Variants in GIGYF2 observed in about 807,000 individuals in gnomAD.
GIGYF2 encodes GRB10 interacting GYF protein 2.
In GIGYF2, 25 loss-of-function variants were observed where a neutral mutation model predicts 208.1. That is an observed-to-expected ratio of 0.12 (90% confidence interval 0.09 to 0.17). The LOEUF (loss-of-function observed/expected upper bound fraction) is 0.17, where lower values mean the gene tolerates loss of function less well. GIGYF2 is among the 10% of genes least tolerant of loss of function. The pLI is 1.00. For synonymous variants in GIGYF2, 534 were observed against 543.8 expected, an observed-to-expected ratio of 0.98 and a Z score of 0.25; for missense variants, 1,302 against 1,579.4, an observed-to-expected ratio of 0.82 and a Z score of 2.98.
intron 22 of GIGYF2, among the ~76,000 whole-genome samples, chr2:232,834,084 TA>T (rs1249852385): frequency 1.3e-5 from 2 of 152,074 alleles, no homozygotes; most frequent in African/African-American, 4.8e-5. Context: ...ACTGAGAAGA[TA>T]GTGGAACTGT....
At chr2:232,746,176 T>TA (rs938239883) in intron 3 of GIGYF2, among the ~76,000 whole-genome samples, 90 of 144,826 alleles carry the variant, frequency 6.2e-4, no homozygotes, top group African/African-American at 1.3e-3. Flanking sequence ...CCACAATAAG[T>TA]AAAAAAAAAA....
rs778242971 is a variant in GIGYF2, at chr2:232,819,953, A to G, written c.2497A>G (p.Arg833Gly). 1 of 1,607,736 alleles carries G rather than the reference A, an allele frequency of 6.2e-7. No individual in the cohort carries two copies. Among genetic ancestry groups the G allele is most frequent in the African/African-American group, 1.3e-5 (1 of 74,888 alleles). The change falls in exon 21 of 29, where the codon AGG (arginine) becomes GGG (glycine). Residue 833 changes from arginine (R) to glycine (G), a missense_variant. By Grantham distance (125) the Arg-to-Gly change is moderately radical (BLOSUM62 -2). This residue lies in a region of GIGYF2 where 701 missense variants were observed against 793.0 expected (regional missense o/e 0.88). Transcript: ENST00000373563. Reference sequence around the variant, plus strand: ...AGAGAGGAGAAGAGAAGAGGAAGAAAGGCGGAAGCAGGAAGAATTGTTACG... The same window carrying G: ...AGAGAGGAGAAGAGAAGAGGAAGAAGGGCGGAAGCAGGAAGAATTGTTACG... ...LEERRREEEE[R>G]RKQEELLRKQ...
rs1286948070 is a variant in GIGYF2, at chr2:232,836,316, A to G, written c.2766+3223A>G. 8.7e-5 allele frequency among the ~76,000 whole-genome samples: 3 copies of G among 34,622 alleles called. 1 individual carries two copies. Among genetic ancestry groups the G allele is most frequent in the Admixed American group, 4.5e-4 (1 of 2,220 alleles). 22.7% of individuals were successfully genotyped at this position (34,622 alleles called of 152,430 possible). A position where few individuals can be genotyped will look rare whatever the true frequency, so the allele number is the denominator to read the frequency against. Reference sequence around the variant, plus strand: ...TATATATATATATATATATATATATATATATATATATATACATATATATAC... The same window carrying G: ...TATATATATATATATATATATATATGTATATATATATATACATATATATAC... On this transcript the variant is annotated intron_variant, in intron 22 of 28. Coordinates refer to ENST00000373563, the MANE Select transcript of GIGYF2 (RefSeq NM_001103146.3).
At chr2:232,823,558 T>A (rs1403666396) in intron 21 of GIGYF2, among the ~76,000 whole-genome samples, 1 of 152,022 alleles carries the variant, frequency 6.6e-6, no homozygotes, top group Non-Finnish European at 1.5e-5. Context: ...TCTTGCTGTG[T>A]TGCTCAGGCT....
intron 5 of GIGYF2, among the ~76,000 whole-genome samples, chr2:232,750,889 G>A (rs1314004749): frequency 6.6e-6 from 1 of 152,166 alleles, no homozygotes; most frequent in Non-Finnish European, 1.5e-5. Flanking sequence ...TAGTACAGCG[G>A]CATGATCATA....
At chr2:232,838,142 C>G (rs1701705373) in intron 22 of GIGYF2, among the ~76,000 whole-genome samples, 2 of 152,140 alleles carry the variant, frequency 1.3e-5, no homozygotes, top group Middle Eastern at 3.4e-3. Context: ...AAGCTATCAG[C>G]AGACATAAGT....
At chr2:232,817,941 C>T (rs775726828) in intron 20 of GIGYF2, among the ~76,000 whole-genome samples, 7 of 152,130 alleles carry the variant, frequency 4.6e-5, no homozygotes, top group African/African-American at 1.2e-4. Flanking sequence ...GAAGAACTGC[C>T]GTATTGTTTC....
intron 2 of GIGYF2, among the ~76,000 whole-genome samples, chr2:232,726,393 A>G (rs981818499): frequency 2.7e-5 from 4 of 149,164 alleles, no homozygotes; most frequent in African/African-American, 9.9e-5. Context: ...AAAAAATCAT[A>G]TGGGAGCACA....
intron 6 of GIGYF2, among the ~76,000 whole-genome samples, 170 bp downstream of exon 6, chr2:232,756,504 T>C (rs925919601): frequency 6.6e-6 from 1 of 152,230 alleles, no homozygotes; most frequent in African/African-American, 2.4e-5. Flanking sequence ...GTATCTCCTC[T>C]ATAATCCCTG....
At chr2:232,817,148 A>G in intron 20 of GIGYF2, 116 bp downstream of exon 20, 2 of 828,154 alleles carry the variant, frequency 2.4e-6, no homozygotes, top group Non-Finnish European at 4.2e-6. Flanking sequence ...TTAGAACCTT[A>G]GAAGACTCAC....
At chr2:232,803,643 TTTC>T (rs994063926) in intron 14 of GIGYF2, among the ~76,000 whole-genome samples, 2 of 151,976 alleles carry the variant, frequency 1.3e-5, no homozygotes, top group African/African-American at 4.8e-5. Flanking sequence ...TGTGGGTCTA[TTTC>T]TTTGTGGGTC....
intron 8 of GIGYF2, among the ~76,000 whole-genome samples, chr2:232,780,154 A>G (rs1699662940): frequency 6.6e-6 from 1 of 152,222 alleles, no homozygotes; most frequent in South Asian, 2.1e-4. Flanking sequence ...GAAGTTTTCC[A>G]TAAACACTAT....
chr2:232,760,312 A>G (rs371690747), intron 6 of GIGYF2, 168 bp from the exon 7 acceptor site: 4 of 616,108 alleles, frequency 6.5e-6, no homozygotes, highest in Non-Finnish European at 1.2e-5. Flanking sequence ...CAGCTACTTC[A>G]ATGCCATTGT....
At chr2:232,714,652 T>A (rs544691683) in intron 2 of GIGYF2, among the ~76,000 whole-genome samples, 22 of 152,326 alleles carry the variant, frequency 1.4e-4, no homozygotes, top group African/African-American at 5.1e-4. Flanking sequence ...AACATTTTCA[T>A]TATCCCCAGA....
At chr2:232,807,787 G>C (rs879609864) in intron 15 of GIGYF2, among the ~76,000 whole-genome samples, 1 of 152,102 alleles carries the variant, frequency 6.6e-6, no homozygotes, top group African/African-American at 2.4e-5. Context: ...GCCCAGGTCA[G>C]TCTCAAACTC....
At chr2:232,813,304 C>T (rs887866198) in intron 18 of GIGYF2, among the ~76,000 whole-genome samples, 4 of 151,828 alleles carry the variant, frequency 2.6e-5, no homozygotes, top group African/African-American at 9.7e-5. Context: ...ATTCTTCTGC[C>T]TCAGCCTCCT....
intron 20 of GIGYF2, among the ~76,000 whole-genome samples, chr2:232,817,643 G>A (rs925198213): frequency 6.6e-6 from 1 of 152,124 alleles, no homozygotes; most frequent in African/African-American, 2.4e-5. Context: ...TACAGTATTT[G>A]TCTTTTTGTG....
At chr2:232,802,096 G>A (rs954217640) in intron 14 of GIGYF2, among the ~76,000 whole-genome samples, 1 of 152,148 alleles carries the variant, frequency 6.6e-6, no homozygotes, top group African/African-American at 2.4e-5. Context: ...AAATGCAACT[G>A]ATTTTTCAGC....
At chr2:232,790,972 C>G (rs1700052914) in intron 10 of GIGYF2, 36 bp from the exon 11 acceptor site, 2 of 1,612,078 alleles carry the variant, frequency 1.2e-6, no homozygotes, top group Non-Finnish European at 1.7e-6. Flanking sequence ...AAAGCCAAAT[C>G]TGCTGTTGAT....
Sources: allele counts gnomAD v4.1 joint callset (sites outside exome capture counted in the v4.1 genomes callset), GRCh38; gene constraint gnomAD v4.1.1; regional missense constraint gnomAD v4.1.1; transcripts MANE v1.5; gene names NCBI Gene and HGNC (gene_info 2026-07-23, HGNC 2026-07-21).